The following RAB3IP variants were observed in gnomAD, a reference collection of about 807,000 sequenced individuals.
The protein encoded by RAB3IP is rab-3A-interacting protein.
In RAB3IP, 36 loss-of-function variants were observed where a neutral mutation model predicts 59.1. The ratio of observed to expected loss-of-function variants is 0.61; its 90% CI spans 0.47 to 0.80. RAB3IP has a LOEUF of 0.80. RAB3IP is among the 30% of genes least tolerant of loss of function. The pLI, the probability that RAB3IP is intolerant of heterozygous loss-of-function variation, is 0.00. For synonymous variants in RAB3IP, 207 were observed against 191.2 expected (o/e 1.08, Z -0.68); for missense variants, 511 against 536.0 (o/e 0.95, Z 0.46).
At chr12:69,804,969 G>A (rs1879013084) in intron 8 of RAB3IP, among the ~76,000 whole-genome samples, 1 of 152,168 alleles carries the variant, frequency 6.6e-6, no homozygotes, top group Admixed American at 6.5e-5. Flanking sequence ...GGATTGACTT[G>A]GCAATGTAGG....
intron 10 of RAB3IP, among the ~76,000 whole-genome samples, chr12:69,814,484 G>A (rs189607070): frequency 2.3e-4 from 35 of 152,256 alleles, no homozygotes; most frequent in African/African-American, 7.9e-4. Context: ...TCTCGACCTT[G>A]GTACTAGTGA....
At chr12:69,738,592 GC>G (rs1886894591), upstream of RAB3IP, 1 of 81,542 alleles carries the variant, frequency 1.2e-5, no homozygotes, top group East Asian at 3.0e-4. Context: ...CAGAGCGCGG[GC>G]CCGACGAAAC....
At chr12:69,797,424 T>C (rs933066767) in intron 6 of RAB3IP, among the ~76,000 whole-genome samples, 1 of 151,840 alleles carries the variant, frequency 6.6e-6, no homozygotes, top group African/African-American at 2.4e-5. Flanking sequence ...CTAGAATCTT[T>C]CCTTAGAATA....
intron 4 of RAB3IP, among the ~76,000 whole-genome samples, chr12:69,792,153 A>T (rs73332087): frequency 6.6e-6 from 1 of 152,136 alleles, no homozygotes; most frequent in Non-Finnish European, 1.5e-5. Context: ...CAGGGGCTGG[A>T]AAGTGGGAGA....
rs767382883 is a variant in RAB3IP at position 69,812,966 on chromosome 12, C to T, written c.1233C>T (p.Ile411=). ...GACATTTTCTCCATTTGGCCTAGAT[C>T]ACTTCTGTATGTAACTTTTTTACAT... ...YYISPFCRYR[I]TSVCNFFTYI... is the part of the protein sequence containing the mutation. The change falls in exon 10 of 11, where the codon ATC becomes ATT. Residue 411 remains isoleucine (I), a splice_region_variant and synonymous_variant. Coordinates refer to ENST00000247833, the MANE Select transcript of RAB3IP (RefSeq NM_022456.5). 1.2e-6 allele frequency: 2 copies of T among 1,613,104 alleles called. No individual in the cohort carries two copies. Among genetic ancestry groups the T allele is most frequent in the African/African-American group, 2.7e-5 (2 of 74,900 alleles).
chr12:69,821,701 T>A lies in RAB3IP; in HGVS notation c.*6255T>A, dbSNP rs528979094. 1 of 152,312 alleles carries A rather than the reference T, an allele frequency of 6.6e-6. No homozygotes were observed. The highest frequency in any genetic ancestry group is 1.5e-5 in the Non-Finnish European group (1 of 68,042). The allele number at this position is 152,312 out of a possible 1,614,324, so 9.4% of individuals were successfully genotyped here. A position where few individuals can be genotyped will look rare whatever the true frequency, so the allele number is the denominator to read the frequency against. ...ATCTGCATTTCAAGCTGCTCTTTTT[T>A]AAAATGTGCCGTTTCGACAACACTG... On this transcript the variant is annotated 3_prime_UTR_variant, in exon 11 of 11. Transcript: ENST00000247833.
intron 3 of RAB3IP, among the ~76,000 whole-genome samples, chr12:69,773,363 T>A (rs552564247): frequency 6.6e-6 from 1 of 151,358 alleles, no homozygotes; most frequent in East Asian, 1.9e-4. Flanking sequence ...GTTCTGTTAT[T>A]ATTTTTTTGG....
At chr12:69,823,199 G>GT (rs1420349748), downstream of RAB3IP, 1 of 152,048 alleles carries the variant, frequency 6.6e-6, no homozygotes, top group African/African-American at 2.4e-5. Flanking sequence ...CCCACCCACT[G>GT]TTTAAGTGTA....
chr12:69,808,313 A>G (rs1380681674), intron 8 of RAB3IP, among the ~76,000 whole-genome samples: 2 of 152,166 alleles, frequency 1.3e-5, no homozygotes. Flanking sequence ...ACTTCCAACT[A>G]TGTGGTCAAC....
rs1212025200 is a variant in RAB3IP, at chr12:69,752,097, C to T, written c.-25-3287C>T. On this transcript the variant is annotated intron_variant, in intron 1 of 10. Transcript: ENST00000247833. ...AAGCTTACTGTACCCTCAAATTCCT[C>T]AGCTCAAGCCATCCTCCCATCTTAG... 1.2e-4 allele frequency among the ~76,000 whole-genome samples: 18 copies of T among 149,548 alleles called. No individual in the cohort carries two copies. In the South Asian group the frequency reaches 3.8e-3, roughly 31 times the overall value.
intron 8 of RAB3IP, chr12:69,811,918 T>C (rs1378244482): frequency 6.6e-6 from 1 of 152,230 alleles, no homozygotes; most frequent in Non-Finnish European, 1.5e-5. Context: ...GTTTGCCACT[T>C]ACTTAGAGCT....
intron 3 of RAB3IP, among the ~76,000 whole-genome samples, chr12:69,773,025 T>C (rs1031065692): frequency 8.5e-5 from 13 of 152,186 alleles, no homozygotes; most frequent in African/African-American, 2.9e-4. Flanking sequence ...TGGGAAACTT[T>C]TAATCTTCAT....
In RAB3IP at chr12:69,817,179, C is replaced by CT. The variant is rs1881217872; in HGVS notation, c.*1735dup. 6.6e-6 allele frequency: 1 copy of CT among 152,018 alleles called. No homozygotes were observed. Among genetic ancestry groups the CT allele is most frequent in the Non-Finnish European group, 1.5e-5 (1 of 67,998 alleles). The allele number at this position is 152,018 out of a possible 1,614,324, so 9.4% of individuals were successfully genotyped here. ...ATACTCAGAAAAAGTTTGTTGATGA[C>CT]TTAAAAAGGATAAATAAAAAGTAAG... is the stretch of plus-strand genomic sequence containing the variant. On this transcript the variant is annotated 3_prime_UTR_variant, in exon 11 of 11. Coordinates refer to ENST00000247833, the MANE Select transcript of RAB3IP (RefSeq NM_022456.5).
intron 1 of RAB3IP, among the ~76,000 whole-genome samples, chr12:69,747,329 TGTGAGA>T (rs1402157113): frequency 3.3e-4 from 30 of 91,968 alleles, no homozygotes; most frequent in East Asian, 9.8e-4. Context: ...TGTGTGTGTG[TGTGAGA>T]GAGAGAGAGA....
chr12:69,807,023 C>T (rs1259235770), intron 8 of RAB3IP, among the ~76,000 whole-genome samples: 1 of 152,128 alleles, frequency 6.6e-6, no homozygotes, highest in Non-Finnish European at 1.5e-5. Flanking sequence ...TTCTTTTCCC[C>T]ACATTTCCCC....
At chr12:69,795,058 T>C in intron 5 of RAB3IP, 83 bp from the exon 6 acceptor site, 1 of 943,166 alleles carries the variant, frequency 1.1e-6, no homozygotes, top group South Asian at 1.7e-5. Context: ...TCTTTGAAAG[T>C]GTTTTGACCA....
intron 1 of RAB3IP, among the ~76,000 whole-genome samples, chr12:69,741,166 G>A (rs1258772932): frequency 6.6e-6 from 1 of 152,208 alleles, no homozygotes; most frequent in Admixed American, 6.5e-5. Flanking sequence ...ACCAGTGTGA[G>A]CTTGATTGTG....
Position 69,818,549 on chromosome 12 carries a change from T to C in RAB3IP, c.*3103T>C, listed in dbSNP as rs1881378889. ...GTCCCCCAGATCACACATATAAGAA[T>C]GTTCTGGAATAAATTAAAATGTCTA... On this transcript the variant is annotated 3_prime_UTR_variant, in exon 11 of 11. Coordinates refer to ENST00000247833, the MANE Select transcript of RAB3IP (RefSeq NM_022456.5). The C allele has an allele frequency of 6.6e-6, 1 of 152,116 alleles. No individual in the cohort carries two copies. The highest frequency in any genetic ancestry group is 1.5e-5 in the Non-Finnish European group (1 of 68,032). 9.4% of individuals were successfully genotyped at this position (152,116 alleles called of 1,614,324 possible).
chr12:69,756,400 T>C lies in RAB3IP; in HGVS notation c.252-5T>C, dbSNP rs1269924611. 2 of 1,613,030 alleles carry C rather than the reference T, an allele frequency of 1.2e-6. No homozygotes were observed. Among genetic ancestry groups the C allele is most frequent in the African/African-American group, 1.3e-5 (1 of 74,926 alleles). Reference sequence around the variant, plus strand: ...TTTTCTGAAAAATGTCTCTCTCCTTTACAGCTTTCATGTTACAGACCCAGC... The same window carrying C: ...TTTTCTGAAAAATGTCTCTCTCCTTCACAGCTTTCATGTTACAGACCCAGC... On this transcript the variant is annotated splice_region_variant and splice_polypyrimidine_tract_variant and intron_variant, in intron 2 of 10. Coordinates refer to ENST00000247833, the MANE Select transcript of RAB3IP (RefSeq NM_022456.5).
Sources: allele counts gnomAD v4.1 joint callset (sites outside exome capture counted in the v4.1 genomes callset), GRCh38; gene constraint gnomAD v4.1.1; transcripts MANE v1.5; gene names NCBI Gene and HGNC (gene_info 2026-07-23, HGNC 2026-07-21).